The following PCDHA2 variants were observed in gnomAD, a reference collection of about 807,000 sequenced individuals.
PCDHA2 encodes the protein protocadherin alpha 2.
In PCDHA2, 58 loss-of-function variants were observed where a neutral mutation model predicts 66.0. The observed-to-expected ratio is 0.88, with a 90% confidence interval of 0.71 to 1.09. The LOEUF is 1.09. Ranked by LOEUF, PCDHA2 falls within the 50% of genes least tolerant of loss-of-function variation. The pLI, the probability that PCDHA2 is intolerant of heterozygous loss-of-function variation, is 0.00. For synonymous variants in PCDHA2, 634 were observed against 554.0 expected (o/e 1.14, Z -2.03); for missense variants, 1,267 against 1,242.3 (o/e 1.02, Z -0.30).
chr5:140,983,005 AAAGG>A (rs1223217874), intron 3 of PCDHA2, among the ~76,000 whole-genome samples: 2 of 152,110 alleles, frequency 1.3e-5, no homozygotes, highest in African/African-American at 2.4e-5. Flanking sequence ...AAAGAAAGAA[AAAGG>A]AAGGAAGGAA....
chr5:140,802,029 G>A (rs1554121830), intron 1 of PCDHA2: 1 of 1,614,046 alleles, frequency 6.2e-7, no homozygotes, highest in African/African-American at 1.3e-5. Context: ...TAAGGATATC[G>A]CGTATTCTTT....
chr5:140,851,763 C>T (rs1554145528), intron 1 of PCDHA2: 1 of 969,364 alleles, frequency 1.0e-6, no homozygotes, highest in Admixed American at 6.3e-5. Context: ...TAAAACATTA[C>T]CCTTATGAAT....
At chr5:140,898,797 C>T (rs1210404780) in intron 1 of PCDHA2, among the ~76,000 whole-genome samples, 7 of 152,160 alleles carry the variant, frequency 4.6e-5, no homozygotes, top group East Asian at 1.9e-4. Context: ...GCCATTTTCA[C>T]GATACTGATT....
chr5:140,875,783 T>C (rs782000038), intron 1 of PCDHA2: 4 of 1,614,050 alleles, frequency 2.5e-6, no homozygotes, highest in Non-Finnish European at 3.4e-6. Flanking sequence ...GAGTGCAGTA[T>C]CCACCTGGAG....
At chr5:140,857,399 G>C (rs375062704) in intron 1 of PCDHA2, 4 of 1,598,394 alleles carry the variant, frequency 2.5e-6, no homozygotes, top group Admixed American at 3.4e-5. Flanking sequence ...GAACGACAAC[G>C]CGCCTGCGTT....
In PCDHA2 at chr5:140,843,348, C is replaced by T; in HGVS notation, c.2388+45996C>T. The T allele has an allele frequency of 1.9e-6, 3 of 1,596,106 alleles. No homozygotes were observed. The South Asian group carries it at 3.3e-5, about 18-fold the overall frequency. On this transcript the variant is annotated intron_variant, in intron 1 of 3. Transcript: ENST00000526136. ...TCGCTGGTGGAGAGCGGCCAGGCTC[C>T]AAAAGCGTCATCGAGGCAGTCGGCT...
chr5:140,800,006 T>C (rs1361843384), intron 1 of PCDHA2, among the ~76,000 whole-genome samples: 3 of 152,136 alleles, frequency 2.0e-5, no homozygotes, highest in Non-Finnish European at 4.4e-5. Context: ...TGTTCCTAGG[T>C]TACTTTTCTC....
intron 1 of PCDHA2, chr5:140,835,625 C>T: frequency 6.2e-7 from 1 of 1,613,902 alleles, no homozygotes; most frequent in Non-Finnish European, 8.5e-7. Flanking sequence ...GCGCTCTGGA[C>T]CGCGAGAGTG....
chr5:140,877,607 T>C (rs782533203), intron 1 of PCDHA2: 5 of 1,613,712 alleles, frequency 3.1e-6, no homozygotes. Flanking sequence ...AGCCTGCTGG[T>C]GCTCACGCTG....
intron 1 of PCDHA2, among the ~76,000 whole-genome samples, chr5:140,935,749 A>G (rs1245640487): frequency 6.6e-6 from 1 of 152,172 alleles, no homozygotes; most frequent in African/African-American, 2.4e-5. Flanking sequence ...ATTCCATACA[A>G]TACACATTCT....
intron 1 of PCDHA2, chr5:140,806,949 TGG>T: frequency 1.7e-6 from 1 of 585,050 alleles, no homozygotes. Context: ...GTAGAGTGTG[TGG>T]GGGTTTCCAC....
intron 1 of PCDHA2, among the ~76,000 whole-genome samples, chr5:140,891,916 G>T (rs1336108155): frequency 6.6e-6 from 1 of 152,170 alleles, no homozygotes; most frequent in Non-Finnish European, 1.5e-5. Context: ...ACCAGATGCT[G>T]GTGCCTTGAT....
At chr5:140,983,461 A>G (rs1291305158) in intron 3 of PCDHA2, among the ~76,000 whole-genome samples, 1 of 152,238 alleles carries the variant, frequency 6.6e-6, no homozygotes, top group Non-Finnish European at 1.5e-5. Flanking sequence ...TTAATAGAAC[A>G]TCATGATGAT....
chr5:140,881,909 G>A (rs941994896), intron 1 of PCDHA2: 2 of 230,500 alleles, frequency 8.7e-6, no homozygotes, highest in Non-Finnish European at 1.7e-5. Context: ...AATATAAAAT[G>A]TTGAGCAGAA....
intron 1 of PCDHA2, chr5:140,858,580 A>G (rs1374882572): frequency 8.9e-6 from 12 of 1,352,620 alleles, no homozygotes; most frequent in Middle Eastern, 2.1e-4. Context: ...CCTTTGTAAT[A>G]TAATTTATTC....
At chr5:140,856,030 A>G in intron 1 of PCDHA2, 2 of 1,561,578 alleles carry the variant, frequency 1.3e-6, no homozygotes, top group East Asian at 4.5e-5. Context: ...GTCGATTTGT[A>G]AAACAAGAGA....
At chr5:140,912,292 C>A (rs527420621) in intron 1 of PCDHA2, among the ~76,000 whole-genome samples, 13 of 152,184 alleles carry the variant, frequency 8.5e-5, no homozygotes, top group Non-Finnish European at 1.8e-4. Context: ...CAATACTTTG[C>A]CTCCTGTAAT....
In PCDHA2 at chr5:141,000,327, C is replaced by G. The variant is rs555445425; in HGVS notation, c.2537-9300C>G. On this transcript the variant is annotated intron_variant, in intron 3 of 3. Coordinates refer to ENST00000526136, the MANE Select transcript of PCDHA2 (RefSeq NM_018905.3). ...GAGTTCAAGACCAGCTTGGGCAACA[C>G]AGCAAGGCCCTATCTCTCTCTCTGT... is the stretch of plus-strand genomic sequence containing the variant. 3.5e-5 allele frequency among the ~76,000 whole-genome samples: 5 copies of G among 144,706 alleles called. No homozygotes were observed. The South Asian group carries it at 1.1e-3, about 32-fold the overall frequency. 94.9% of individuals were successfully genotyped at this position (144,706 alleles called of 152,430 possible). A position where few individuals can be genotyped will look rare whatever the true frequency, so the allele number is the denominator to read the frequency against.
chr5:140,808,746 T>G (rs1581696399), intron 1 of PCDHA2: 1 of 1,612,092 alleles, frequency 6.2e-7, no homozygotes, highest in Admixed American at 1.7e-5. Flanking sequence ...GTGTACGCGC[T>G]GCAGCCGCTG....
Sources: allele counts gnomAD v4.1 joint callset (sites outside exome capture counted in the v4.1 genomes callset), GRCh38; gene constraint gnomAD v4.1.1; transcripts MANE v1.5; gene names NCBI Gene and HGNC (gene_info 2026-07-23, HGNC 2026-07-21).